Variants in PDCL3 observed in about 807,000 individuals in gnomAD.
The protein encoded by PDCL3 is phosducin like 3.
In PDCL3, 22 loss-of-function variants were observed where a neutral mutation model predicts 26.5. The ratio of observed to expected loss-of-function variants is 0.83; its 90% CI spans 0.59 to 1.19. The LOEUF is 1.19. Ranked by LOEUF, PDCL3 falls within the 50% of genes most tolerant of loss-of-function variation. PDCL3 has a pLI of 0.00. For synonymous variants in PDCL3, 81 were observed against 104.9 expected (o/e 0.77, Z 1.39); for missense variants, 246 against 294.1 (o/e 0.84, Z 1.20).
chr2:100,573,314 T>A (rs1453996209), intron 5 of PDCL3, among the ~76,000 whole-genome samples: 1 of 152,188 alleles, frequency 6.6e-6, no homozygotes, highest in Admixed American at 6.5e-5. Context: ...ATTGAAATAA[T>A]ATTTCCAACT....
intron 5 of PDCL3, among the ~76,000 whole-genome samples, chr2:100,575,998 G>A (rs569250283): frequency 3.4e-4 from 52 of 152,204 alleles, no homozygotes; most frequent in African/African-American, 9.9e-4. Context: ...GGGCTCAAGC[G>A]ATCCTGCCAC....
At chr2:100,563,406 A>C in intron 1 of PDCL3, 1 of 282,974 alleles carries the variant, frequency 3.5e-6, no homozygotes. Context: ...AACTCCCCTA[A>C]GGCACACCTG....
chr2:100,570,474 CT>C (rs762190373), intron 4 of PDCL3, among the ~76,000 whole-genome samples: 202 of 125,302 alleles, frequency 1.6e-3, no homozygotes, highest in African/African-American at 2.4e-3. Context: ...TTAGGAATTT[CT>C]TTTTTTTTTT....
intron 2 of PDCL3, among the ~76,000 whole-genome samples, chr2:100,567,823 C>T (rs1475071275): frequency 6.8e-5 from 10 of 146,512 alleles, no homozygotes; most frequent in Admixed American, 6.2e-4. Context: ...GACATTTTCT[C>T]TTTTTTGTTT....
intron 1 of PDCL3, among the ~76,000 whole-genome samples, chr2:100,565,069 T>C (rs904669177): frequency 1.3e-5 from 2 of 152,182 alleles, no homozygotes; most frequent in African/African-American, 4.8e-5. Flanking sequence ...TCTTGGGCAG[T>C]ATGCATGCCG....
intron 1 of PDCL3, 76 bp downstream of exon 1, chr2:100,563,149 C>T (rs1307053714): frequency 1.7e-5 from 25 of 1,512,904 alleles, no homozygotes; most frequent in Non-Finnish European, 2.1e-5. Context: ...GGGCAGTGGA[C>T]GCCCGCCCTG....
intron 5 of PDCL3, among the ~76,000 whole-genome samples, chr2:100,575,422 A>G (rs1423171869): frequency 1.3e-5 from 2 of 152,208 alleles, no homozygotes; most frequent in Admixed American, 6.5e-5. Flanking sequence ...GGCATGTGCC[A>G]CCGCGCCCGG....
chr2:100,568,637 A>G lies in PDCL3; in HGVS notation c.134-294A>G, dbSNP rs375770648. 3.3e-5 allele frequency among the ~76,000 whole-genome samples: 5 copies of G among 152,288 alleles called. No homozygotes were observed. In the East Asian group the frequency reaches 9.7e-4, roughly 29 times the overall value. ...GACAAGAGTGAAACTCTGTCTCCAA[A>G]AAAAGGAAAATAAGCGGGGCAGGGT... On this transcript the variant is annotated intron_variant, in intron 2 of 5. Coordinates refer to ENST00000264254, the MANE Select transcript of PDCL3 (RefSeq NM_024065.5).
chr2:100,571,779 C>T lies in PDCL3; in HGVS notation c.558C>T (p.Gly186=). 2 of 1,614,098 alleles carry T rather than the reference C, an allele frequency of 1.2e-6. No homozygotes were observed. The highest frequency in any genetic ancestry group is 2.2e-5 in the South Asian group (2 of 91,076). The change falls in exon 5 of 6, where the codon GGC becomes GGT. Residue 186 remains glycine, a synonymous_variant. Transcript: ENST00000264254. ...TTATTGGTCCTCTGGTGTTTGGCGG[C>T]ATGAACCTGACAAGAGATGGTAAGG... The part of the protein sequence containing the change: ...AQFIGPLVFG[G]MNLTRDELEW...
rs1675158627 is a variant in PDCL3 at position 100,571,103 on chromosome 2, C to A, written c.369-487C>A. On this transcript the variant is annotated intron_variant, in intron 4 of 5. Coordinates refer to ENST00000264254, the MANE Select transcript of PDCL3 (RefSeq NM_024065.5). ...GAGCAGCCTGGGCAACGTGGTGAAA[C>A]CCTGTCTTTACAAAAAAAAAAAAAA... is the stretch of plus-strand genomic sequence containing the variant. Among the ~76,000 whole-genome samples, 21 of 122,232 alleles carry A rather than the reference C, an allele frequency of 1.7e-4. No homozygotes were observed. The Admixed American group carries it at 1.9e-3, about 11-fold the overall frequency. 80.2% of individuals were successfully genotyped at this position (122,232 alleles called of 152,430 possible). A position where few individuals can be genotyped will look rare whatever the true frequency, so the allele number is the denominator to read the frequency against.
At chr2:100,563,915 G>GTTTT (rs373590264) in intron 1 of PDCL3, among the ~76,000 whole-genome samples, 3 of 140,646 alleles carry the variant, frequency 2.1e-5, no homozygotes, top group Non-Finnish European at 4.6e-5. Flanking sequence ...GCCAGACACT[G>GTTTT]TTTTTTTTTT....
chr2:100,571,460 C>A (rs1253555918), intron 4 of PDCL3, 130 bp from the exon 5 acceptor site: 1 of 814,216 alleles, frequency 1.2e-6, no homozygotes, highest in Non-Finnish European at 1.9e-6. Flanking sequence ...CATGTTAATT[C>A]ATCTTAGCTA....
rs1315320301 is a variant in PDCL3, at chr2:100,571,803, G to A, written c.577+5G>A. The A allele has an allele frequency of 2.5e-6, 4 of 1,613,948 alleles. No individual in the cohort carries two copies. Among genetic ancestry groups the A allele is most frequent in the African/African-American group, 2.7e-5 (2 of 74,924 alleles). ...GCATGAACCTGACAAGAGATGGTAA[G>A]GGCTCTGGGAGACAGGCGGGGCAGT... On this transcript the variant is annotated splice_donor_5th_base_variant and intron_variant, in intron 5 of 5. Coordinates refer to ENST00000264254, the MANE Select transcript of PDCL3 (RefSeq NM_024065.5).
intron 5 of PDCL3, among the ~76,000 whole-genome samples, chr2:100,573,396 G>A (rs955938148): frequency 3.3e-5 from 5 of 151,948 alleles, no homozygotes; most frequent in East Asian, 1.9e-4. Flanking sequence ...TCTGGCGGCC[G>A]GGTGCGGTGG....
At chr2:100,572,394 T>G (rs1483218921) in intron 5 of PDCL3, among the ~76,000 whole-genome samples, 3 of 152,038 alleles carry the variant, frequency 2.0e-5, no homozygotes, top group Non-Finnish European at 2.9e-5. Context: ...GTATTTTTAG[T>G]GGAGACGGGG....
intron 4 of PDCL3, among the ~76,000 whole-genome samples, chr2:100,571,011 CTGTAAT>C (rs1558697732): frequency 1.3e-5 from 2 of 150,652 alleles, no homozygotes; most frequent in Non-Finnish European, 2.9e-5. Flanking sequence ...TGGCTTACAC[CTGTAAT>C]ACCTGTAATC....
At chr2:100,571,416 C>T (rs1675166705) in intron 4 of PDCL3, among the ~76,000 whole-genome samples, 174 bp from the exon 5 acceptor site, 1 of 152,096 alleles carries the variant, frequency 6.6e-6, no homozygotes, top group Admixed American at 6.6e-5. Flanking sequence ...CTCCATTTAG[C>T]CTGGGTGAAA....
intron 5 of PDCL3, among the ~76,000 whole-genome samples, chr2:100,575,808 G>T (rs1675274917): frequency 6.6e-6 from 1 of 152,198 alleles, no homozygotes; most frequent in Non-Finnish European, 1.5e-5. Context: ...TTAATGATTA[G>T]ATTGCCAGAA....
Position 100,571,731 on chromosome 2 carries a change from G to A in PDCL3, c.510G>A (p.Leu170=). 1 of 1,614,032 alleles carries A rather than the reference G, an allele frequency of 6.2e-7. No homozygotes were observed. The highest frequency in any genetic ancestry group is 8.5e-7 in the Non-Finnish European group (1 of 1,180,030). Residue 170 remains leucine, a synonymous_variant, in exon 5 of 6, where the codon CTG becomes CTA. Transcript: ENST00000264254. The part of the protein sequence containing the change: ...DRNLPTIFVY[L]EGDIKAQFIG... ...ATCTGCCCACGATATTTGTTTACCT[G>A]GAAGGAGATATCAAGGCTCAGTTTA...
Sources: gnomAD v4.1 joint callset for allele counts (sites outside exome capture counted in the v4.1 genomes callset) on GRCh38, gnomAD v4.1.1 for gene constraint, MANE v1.5 for transcripts, NCBI Gene and HGNC (gene_info 2026-07-23, HGNC 2026-07-21) for gene names.